Variants in FHOD3 observed in about 807,000 individuals in gnomAD.
FHOD3 encodes the protein FH1/FH2 domain-containing protein 3.
Under a neutral mutation model 173.0 loss-of-function variants are expected in FHOD3, and 90 were observed. The observed-to-expected ratio is 0.52, with a 90% CI of 0.44 to 0.62. FHOD3 has a LOEUF of 0.62. Among genes scored for constraint, FHOD3 ranks in the 20% least tolerant of loss-of-function variants. The pLI, the probability that FHOD3 is intolerant of heterozygous loss-of-function variation, is 0.00. For synonymous variants in FHOD3, 828 were observed against 823.0 expected, an observed-to-expected ratio of 1.01 and a Z score of -0.10; for missense variants, 1,945 against 2,034.7, an observed-to-expected ratio of 0.96 and a Z score of 0.85.
intron 22 of FHOD3, among the ~76,000 whole-genome samples, chr18:36,743,750 A>C (rs1339423850): frequency 6.6e-6 from 1 of 152,216 alleles, no homozygotes; most frequent in Non-Finnish European, 1.5e-5. Flanking sequence ...GAAGAAGTAG[A>C]TAGGCAGATG....
Position 36,571,074 on chromosome 18 carries a change from T to C in FHOD3, c.512-5377T>C, listed in dbSNP as rs1046759749. 6.6e-5 allele frequency among the ~76,000 whole-genome samples: 10 copies of C among 152,232 alleles called. No homozygotes were observed. In the South Asian group the frequency reaches 2.1e-3, roughly 32 times the overall value. On this transcript the variant is annotated intron_variant, in intron 5 of 28. Coordinates refer to ENST00000590592, the MANE Select transcript of FHOD3 (RefSeq NM_001281740.3). ...TGGGAAGGAAGAAATAAAATTGTTC[T>C]TTTTCACAAACAGCATTATTGTCTA...
intron 1 of FHOD3, among the ~76,000 whole-genome samples, chr18:36,304,890 C>A (rs1435192593): frequency 6.6e-6 from 1 of 152,196 alleles, no homozygotes; most frequent in East Asian, 1.9e-4. Context: ...CCATGACATG[C>A]CTGCATAGCC....
At chr18:36,722,799 G>T (rs758052675) in intron 19 of FHOD3, among the ~76,000 whole-genome samples, 25 of 152,136 alleles carry the variant, frequency 1.6e-4, no homozygotes, top group Non-Finnish European at 3.1e-4. Context: ...GATTTCAGGT[G>T]AAAAATGAGG....
intron 28 of FHOD3, among the ~76,000 whole-genome samples, chr18:36,775,550 T>G (rs1352526028): frequency 6.6e-6 from 1 of 152,190 alleles, no homozygotes; most frequent in East Asian, 1.9e-4. Context: ...TCACAGTGTT[T>G]CCATAAAGAT....
At chr18:36,672,942 C>A (rs1285448196) in intron 14 of FHOD3, among the ~76,000 whole-genome samples, 1 of 151,966 alleles carries the variant, frequency 6.6e-6, no homozygotes, top group Non-Finnish European at 1.5e-5. Flanking sequence ...GGGCTTAGTG[C>A]AACTGAAAAA....
At chr18:36,351,507 T>C (rs1008641835) in intron 1 of FHOD3, among the ~76,000 whole-genome samples, 3 of 152,244 alleles carry the variant, frequency 2.0e-5, no homozygotes, top group Non-Finnish European at 2.9e-5. Context: ...GTGTTATACT[T>C]AAACGATCTC....
chr18:36,726,285 A>G (rs114449354), intron 19 of FHOD3, among the ~76,000 whole-genome samples: 1 of 152,246 alleles, frequency 6.6e-6, no homozygotes, highest in African/African-American at 2.4e-5. Flanking sequence ...ATTACTCTCA[A>G]GAAAATGTTG....
intron 3 of FHOD3, among the ~76,000 whole-genome samples, chr18:36,430,160 A>G (rs2050454519): frequency 6.6e-6 from 1 of 152,232 alleles, no homozygotes; most frequent in Non-Finnish European, 1.5e-5. Flanking sequence ...TCTAAATTAC[A>G]GGTTATTTCA....
chr18:36,740,602 C>G, intron 20 of FHOD3, 54 bp from the exon 21 acceptor site: 1 of 1,432,220 alleles, frequency 7.0e-7, no homozygotes, highest in Non-Finnish European at 9.6e-7. Context: ...ATTGAAGGGA[C>G]AGGGGAGGGT....
At chr18:36,596,395 G>C (rs1272472830) in intron 7 of FHOD3, among the ~76,000 whole-genome samples, 1 of 131,124 alleles carries the variant, frequency 7.6e-6, no homozygotes, top group Non-Finnish European at 1.5e-5. Context: ...GTGTTAGCCA[G>C]CACGGTCTCA....
chr18:36,534,495 A>ATTATTTTATT (rs568192668), intron 5 of FHOD3, among the ~76,000 whole-genome samples: 8 of 151,124 alleles, frequency 5.3e-5, no homozygotes, highest in African/African-American at 1.7e-4. Context: ...TTATTATTTT[A>ATTATTTTATT]TTATTTTATT....
chr18:36,741,601 C>G lies in FHOD3; in HGVS notation c.3759+763C>G, dbSNP rs898249746. On this transcript the variant is annotated intron_variant, in intron 21 of 28. Transcript: ENST00000590592. The stretch of plus-strand genomic sequence containing the variant: ...CCTGGGCATCATAGTGAGACCCTGT[C>G]TCTACAGAAATTTTAAAAACTTAGC... 2.6e-4 allele frequency among the ~76,000 whole-genome samples: 39 copies of G among 152,218 alleles called. 1 individual carries two copies. The highest frequency in any genetic ancestry group is 9.1e-4 in the African/African-American group (38 of 41,550).
intron 3 of FHOD3, among the ~76,000 whole-genome samples, chr18:36,459,423 C>T (rs887423113): frequency 6.6e-6 from 1 of 152,170 alleles, no homozygotes; most frequent in African/African-American, 2.4e-5. Flanking sequence ...TAGAGCTGGG[C>T]GAACCGCCTC....
At chr18:36,312,354 T>C (rs1035635421) in intron 1 of FHOD3, among the ~76,000 whole-genome samples, 12 of 152,168 alleles carry the variant, frequency 7.9e-5, no homozygotes, top group African/African-American at 2.7e-4. Context: ...TTGTCCTGGA[T>C]GGCTTTGAGG....
At chr18:36,375,167 A>G (rs2047378221) in intron 3 of FHOD3, among the ~76,000 whole-genome samples, 1 of 152,220 alleles carries the variant, frequency 6.6e-6, no homozygotes, top group Non-Finnish European at 1.5e-5. Flanking sequence ...GCAGTGTTAG[A>G]TGAGATTTCT....
intron 23 of FHOD3, 109 bp downstream of exon 23, chr18:36,744,302 G>T (rs965344565): frequency 1.9e-6 from 2 of 1,074,692 alleles, no homozygotes; most frequent in Admixed American, 5.1e-5. Context: ...CCCAAGTGCT[G>T]CCTGCATTCT....
At chr18:36,565,394 C>T (rs1225551852) in intron 5 of FHOD3, among the ~76,000 whole-genome samples, 1 of 152,176 alleles carries the variant, frequency 6.6e-6, no homozygotes, top group Non-Finnish European at 1.5e-5. Flanking sequence ...TTTAAAAACT[C>T]ACTGCACATT....
chr18:36,383,540 C>T (rs1285208563), intron 3 of FHOD3, among the ~76,000 whole-genome samples: 3 of 152,208 alleles, frequency 2.0e-5, no homozygotes, highest in Admixed American at 2.0e-4. Context: ...CTCAGATTAA[C>T]GTCCCCATCT....
At chr18:36,642,006 T>C (rs1251270410) in intron 10 of FHOD3, among the ~76,000 whole-genome samples, 1 of 151,622 alleles carries the variant, frequency 6.6e-6, no homozygotes, top group Non-Finnish European at 1.5e-5. Context: ...GCCCCATAAT[T>C]ACACTGCTTT....
Sources: gnomAD v4.1 joint callset for allele counts (sites outside exome capture counted in the v4.1 genomes callset) on GRCh38, gnomAD v4.1.1 for gene constraint, MANE v1.5 for transcripts, NCBI Gene and HGNC (gene_info 2026-07-23, HGNC 2026-07-21) for gene names.